The following GRID1 variants were observed in gnomAD, a reference collection of about 807,000 sequenced individuals.
GRID1 encodes glutamate receptor ionotropic, delta-1.
A neutral mutation model predicts 98.0 loss-of-function variants in GRID1; 28 were observed. That is an observed-to-expected ratio of 0.29 (90% CI 0.21 to 0.39). The LOEUF (loss-of-function observed/expected upper bound fraction) is 0.39. GRID1 is among the 10% of genes least tolerant of loss of function. GRID1 has a pLI of 1.00. For synonymous variants in GRID1, 553 were observed against 538.5 expected, an observed-to-expected ratio of 1.03 and a Z score of -0.37; for missense variants, 1,111 against 1,340.5, an observed-to-expected ratio of 0.83 and a Z score of 2.67.
At chr10:85,884,026 A>C (rs1363287434) in intron 5 of GRID1, among the ~76,000 whole-genome samples, 1 of 152,220 alleles carries the variant, frequency 6.6e-6, no homozygotes, top group Middle Eastern at 3.2e-3. Flanking sequence ...GCACAATCAT[A>C]AGAAAAAATC....
chr10:85,663,072 T>C (rs371297268), intron 12 of GRID1, among the ~76,000 whole-genome samples: 1 of 152,122 alleles, frequency 6.6e-6, no homozygotes, highest in Non-Finnish European at 1.5e-5. Context: ...GGGGAACACA[T>C]CACTACCTTC....
In GRID1 at chr10:85,611,747, G is replaced by A. The variant is rs142477557; in HGVS notation, c.2601+1660C>T. On this transcript the variant is annotated intron_variant, in intron 15 of 15. Transcript: ENST00000327946. ...AGGTGAAGGGTGCACACTGGTCATG[G>A]CGTGGAGGGGCTGACATGATGAGGA... is the stretch of plus-strand genomic sequence containing the variant. Among the ~76,000 whole-genome samples the A allele has an allele frequency of 3.4e-3, 520 of 152,278 alleles. 2 individuals carry two copies. The highest frequency in any genetic ancestry group is 0.012 in the African/African-American group (495 of 41,560).
intron 12 of GRID1, among the ~76,000 whole-genome samples, chr10:85,710,619 A>T (rs10887520): frequency 0.62 from 94,701 of 151,900 alleles, 30,504 homozygotes; most frequent in African/African-American, 0.77. Flanking sequence ...CTGGACTTCA[A>T]CAAAATTAAA....
chr10:85,632,933 T>C (rs2132536793), intron 13 of GRID1, among the ~76,000 whole-genome samples: 1 of 152,322 alleles, frequency 6.6e-6, no homozygotes, highest in African/African-American at 2.4e-5. Flanking sequence ...TGTCCATGTG[T>C]TCTCATTGTT....
At chr10:85,966,189 A>G (rs1349277671) in intron 4 of GRID1, among the ~76,000 whole-genome samples, 1 of 152,358 alleles carries the variant, frequency 6.6e-6, no homozygotes, top group East Asian at 1.9e-4. Flanking sequence ...AAAAACAATT[A>G]GAAGCAATTG....
intron 4 of GRID1, among the ~76,000 whole-genome samples, chr10:86,012,369 C>A (rs576839256): frequency 6.8e-6 from 1 of 146,390 alleles, no homozygotes; most frequent in East Asian, 2.0e-4. Context: ...AGTAAAGTAC[C>A]TAGCACCTAG....
chr10:85,706,122 C>T (rs11528410), intron 12 of GRID1, among the ~76,000 whole-genome samples: 9,154 of 152,062 alleles, frequency 0.06, 529 homozygotes, highest in African/African-American at 0.15. Context: ...GGCAATCAGG[C>T]AGGAGAAAGA....
intron 5 of GRID1, among the ~76,000 whole-genome samples, chr10:85,899,308 T>TC (rs1841344882): frequency 6.6e-6 from 1 of 152,036 alleles, no homozygotes; most frequent in African/African-American, 2.4e-5. Flanking sequence ...CTGTATCCAT[T>TC]CAACTACTGA....
Position 85,602,667 on chromosome 10 carries a change from C to T in GRID1, c.2636G>A (p.Arg879His), listed in dbSNP as rs536785868. Residue 879 changes from arginine to histidine, a missense_variant, in exon 16 of 16, where the codon CGC (arginine) becomes CAC (histidine). Transcript: ENST00000327946. Reference sequence around the variant, plus strand: ...GTCTTCATCCATGAGGCTGTTCATGCGCCGGTGGACCTGCTCCAAGTTCAC... The same window carrying T: ...GTCTTCATCCATGAGGCTGTTCATGTGCCGGTGGACCTGCTCCAAGTTCAC... Reference protein sequence around the residue: ...KEVNLEQVHRRMNSLMDEDIA... With the variant: ...KEVNLEQVHRHMNSLMDEDIA... 2.6e-5 allele frequency: 42 copies of T among 1,613,308 alleles called. No homozygotes were observed. Among genetic ancestry groups the T allele is most frequent in the Admixed American group, 5.0e-5 (3 of 59,938 alleles).
chr10:85,845,978 G>A (rs1048792346), intron 8 of GRID1, among the ~76,000 whole-genome samples: 8 of 152,122 alleles, frequency 5.3e-5, no homozygotes, highest in African/African-American at 1.9e-4. Flanking sequence ...GGTGATGAAA[G>A]GGGTGCACAG....
chr10:85,748,261 A>T (rs137993797), intron 8 of GRID1, among the ~76,000 whole-genome samples: 218 of 152,338 alleles, frequency 1.4e-3, no homozygotes, highest in African/African-American at 5.0e-3. Flanking sequence ...ATTGAGAAGC[A>T]GTACAGTATA....
intron 2 of GRID1, among the ~76,000 whole-genome samples, chr10:86,235,354 T>C (rs1846520876): frequency 6.6e-6 from 1 of 152,258 alleles, no homozygotes; most frequent in African/African-American, 2.4e-5. Context: ...GCCTTGACCA[T>C]TTTCTAGTTA....
Position 86,366,548 on chromosome 10 carries a change from G to C in GRID1, c.-156C>G. 3.2e-6 allele frequency: 1 copy of C among 312,796 alleles called. No individual in the cohort carries two copies. The highest frequency in any genetic ancestry group is 5.5e-6 in the Non-Finnish European group (1 of 180,520). 19.4% of individuals were successfully genotyped at this position (312,796 alleles called of 1,614,324 possible). A position where few individuals can be genotyped will look rare whatever the true frequency, so the allele number is the denominator to read the frequency against. Reference sequence around the variant, plus strand: ...CCCCGCGCGCCCGCCCCTGCGCCCTGCGCCCGCCCCAGCCCAGCCCAGCCC... The same window carrying C: ...CCCCGCGCGCCCGCCCCTGCGCCCTCCGCCCGCCCCAGCCCAGCCCAGCCC... On this transcript the variant is annotated 5_prime_UTR_variant, in exon 1 of 16. Coordinates refer to ENST00000327946, the MANE Select transcript of GRID1 (RefSeq NM_017551.3). The surrounding 1 kb of genome is among the most constrained non-coding windows in gnomAD (Gnocchi z 4.1).
chr10:85,821,539 A>AAAAAAAAAGCAAACAAAC (rs770693495), intron 8 of GRID1, among the ~76,000 whole-genome samples: 2,145 of 97,460 alleles, frequency 0.022, 327 homozygotes, highest in Non-Finnish European at 0.03. Flanking sequence ...AAAAAAAAAA[A>AAAAAAAAAGCAAACAAAC]AAAAAAGAAA....
At chr10:85,795,690 G>A (rs1489721577) in intron 8 of GRID1, among the ~76,000 whole-genome samples, 1 of 152,312 alleles carries the variant, frequency 6.6e-6, no homozygotes, top group Admixed American at 6.5e-5. Flanking sequence ...ACGGCACGTC[G>A]AATCCTGGCA....
rs78146407 is a variant in GRID1, at chr10:86,152,502, T to C, written c.521-13478A>G. On this transcript the variant is annotated intron_variant, in intron 3 of 15. Coordinates refer to ENST00000327946, the MANE Select transcript of GRID1 (RefSeq NM_017551.3). Reference sequence around the variant, plus strand: ...CCCGCTCTGCGCCCGAGAGCCCCCATAGCTGGAGCAGATGCTGCCTAGCTC... The same window carrying C: ...CCCGCTCTGCGCCCGAGAGCCCCCACAGCTGGAGCAGATGCTGCCTAGCTC... Among the ~76,000 whole-genome samples, 156 of 152,314 alleles carry C rather than the reference T, an allele frequency of 1.0e-3. 1 individual carries two copies. In the East Asian group the frequency reaches 0.015, roughly 15 times the overall value.
chr10:86,071,853 G>A (rs886724702), intron 4 of GRID1, among the ~76,000 whole-genome samples: 5 of 152,222 alleles, frequency 3.3e-5, no homozygotes, highest in Non-Finnish European at 5.9e-5. Context: ...CCCAGCCAGT[G>A]GGAGAGGTGG....
chr10:86,305,551 A>C (rs1847748091), intron 2 of GRID1, among the ~76,000 whole-genome samples: 1 of 152,140 alleles, frequency 6.6e-6, no homozygotes, highest in Non-Finnish European at 1.5e-5. Flanking sequence ...ATCACATCTG[A>C]GGCCCCAAAG....
At chr10:86,078,055 G>A (rs561176662) in intron 4 of GRID1, among the ~76,000 whole-genome samples, 28 of 152,352 alleles carry the variant, frequency 1.8e-4, no homozygotes, top group African/African-American at 6.5e-4. Context: ...CAGGACCTGG[G>A]CTTAGAGGGA....
Sources: gnomAD v4.1 joint callset for allele counts (sites outside exome capture counted in the v4.1 genomes callset) on GRCh38, gnomAD v4.1.1 for gene constraint, Gnocchi (gnomAD v3.1) non-coding constraint, MANE v1.5 for transcripts, NCBI Gene and HGNC (gene_info 2026-07-23, HGNC 2026-07-21) for gene names.